The following CTSB variants were observed in gnomAD, a reference collection of about 807,000 sequenced individuals.
CTSB encodes the protein APP secretase.
In CTSB, 57 loss-of-function variants were observed where a neutral mutation model predicts 44.3. The observed-to-expected ratio is 1.29, with a 90% CI of 1.04 to 1.60. The LOEUF is 1.60. CTSB is among the 40% of genes most tolerant of loss of function. The pLI, the probability that CTSB is intolerant of heterozygous loss-of-function variation, is 0.00. For synonymous variants in CTSB, 320 were observed against 168.0 expected, an observed-to-expected ratio of 1.91 and a Z score of -7.00; for missense variants, 768 against 443.0, an observed-to-expected ratio of 1.73 and a Z score of -6.59.
chr8:11,860,220 A>T (rs1454117234), intron 1 of CTSB, among the ~76,000 whole-genome samples: 18 of 152,242 alleles, frequency 1.2e-4, no homozygotes, highest in Non-Finnish European at 2.5e-4. Flanking sequence ...TGGCTGATAG[A>T]CAAAAAAAGT....
intron 1 of CTSB, among the ~76,000 whole-genome samples, chr8:11,860,431 G>A (rs1354953292): frequency 6.6e-6 from 1 of 152,116 alleles, no homozygotes; most frequent in Non-Finnish European, 1.5e-5. Context: ...AGACCAGCCT[G>A]GCTAACATGG....
intron 4 of CTSB, among the ~76,000 whole-genome samples, chr8:11,850,419 CAAAA>C (rs61067792): frequency 9.3e-5 from 5 of 53,778 alleles, no homozygotes; most frequent in African/African-American, 3.1e-4. Flanking sequence ...ACTCCATCTC[CAAAA>C]AAAAAAAAAA....
At chr8:11,853,271 C>CA in intron 2 of CTSB, 58 bp downstream of exon 2, 1 of 1,595,230 alleles carries the variant, frequency 6.3e-7, no homozygotes, top group Non-Finnish European at 8.6e-7. Flanking sequence ...TTCCTGGAGT[C>CA]AGTGTGCACA....
Position 11,851,008 on chromosome 8 carries a change from G to A in CTSB, c.213-28C>T, listed in dbSNP as rs748249710. On this transcript the variant is annotated intron_variant, in intron 3 of 9. Coordinates refer to ENST00000353047, the MANE Select transcript of CTSB (RefSeq NM_001908.5). ...GGATAAAGGAAGGTCTTCATTACAAGCTCTGATCCCACAACTCCCTCCCCA... is the reference window on the plus strand; with the variant it reads ...GGATAAAGGAAGGTCTTCATTACAAACTCTGATCCCACAACTCCCTCCCCA... 55 of 1,542,510 alleles carry A rather than the reference G, an allele frequency of 3.6e-5. No homozygotes were observed. The Admixed American group carries it at 8.6e-4, about 24-fold the overall frequency.
chr8:11,861,896 G>T (rs773602157), intron 1 of CTSB, among the ~76,000 whole-genome samples: 1 of 152,182 alleles, frequency 6.6e-6, no homozygotes, highest in Non-Finnish European at 1.5e-5. Context: ...AGGCTGACGC[G>T]AAGGCCAGCC....
At chr8:11,865,271 G>A (rs369112102) in intron 1 of CTSB, among the ~76,000 whole-genome samples, 1 of 152,154 alleles carries the variant, frequency 6.6e-6, no homozygotes, top group Non-Finnish European at 1.5e-5. Context: ...CAGACTGGGC[G>A]CAGTGGCTCA....
At chr8:11,861,600 C>T (rs990311458) in intron 1 of CTSB, 5 of 152,166 alleles carry the variant, frequency 3.3e-5, no homozygotes, top group African/African-American at 9.7e-5. Context: ...TTTTTGTTGT[C>T]GTTGTTGGTT....
chr8:11,860,039 T>A (rs960747397), intron 1 of CTSB, among the ~76,000 whole-genome samples: 2 of 151,602 alleles, frequency 1.3e-5, no homozygotes, highest in Non-Finnish European at 2.9e-5. Flanking sequence ...ACCACTGCAC[T>A]CCAGCCTGGG....
At chr8:11,864,921 A>AG (rs1816912672) in intron 1 of CTSB, among the ~76,000 whole-genome samples, 1 of 152,006 alleles carries the variant, frequency 6.6e-6, no homozygotes, top group South Asian at 2.1e-4. Context: ...AAAAAAAAAA[A>AG]GAAAGAAAAA....
chr8:11,844,392 A>G lies in CTSB; in HGVS notation c.*733T>C, dbSNP rs752935933. The G allele has an allele frequency of 1.3e-5, 2 of 152,174 alleles. No homozygotes were observed. Among genetic ancestry groups the G allele is most frequent in the Non-Finnish European group, 2.9e-5 (2 of 68,032 alleles). The allele number at this position is 152,174 out of a possible 1,614,324, so 9.4% of individuals were successfully genotyped here. On this transcript the variant is annotated 3_prime_UTR_variant, in exon 10 of 10. Transcript: ENST00000353047. ...ACAGGGTGAAGCTGTAATTTTTCAA[A>G]AACAGTAAAAGCTGGTTTCTCCTAA... is the stretch of plus-strand genomic sequence containing the variant.
chr8:11,848,961 A>G (rs527985609), intron 5 of CTSB, 85 bp downstream of exon 5: 149 of 945,794 alleles, frequency 1.6e-4, no homozygotes, highest in Non-Finnish European at 2.4e-4. Flanking sequence ...CAGTCCCAGG[A>G]AGTCCTCAAA....
chr8:11,862,354 G>C (rs541320010), intron 1 of CTSB: 2 of 152,356 alleles, frequency 1.3e-5, no homozygotes, highest in Admixed American at 6.5e-5. Context: ...CCCTGCACCA[G>C]GCTCAGAGCA....
At chr8:11,851,557 A>G (rs1814607415) in intron 3 of CTSB, among the ~76,000 whole-genome samples, 1 of 152,138 alleles carries the variant, frequency 6.6e-6, no homozygotes, top group Non-Finnish European at 1.5e-5. Flanking sequence ...ATTTATCCAC[A>G]AATTATAAAC....
In CTSB at chr8:11,843,249, T is replaced by TAA. The variant is rs1363339674; in HGVS notation, c.*1875_*1876insTT. 1 of 152,090 alleles carries TAA rather than the reference T, an allele frequency of 6.6e-6. No homozygotes were observed. Among genetic ancestry groups the TAA allele is most frequent in the African/African-American group, 2.4e-5 (1 of 41,364 alleles). 9.4% of individuals were successfully genotyped at this position (152,090 alleles called of 1,614,324 possible). On this transcript the variant is annotated 3_prime_UTR_variant, in exon 10 of 10. Coordinates refer to ENST00000353047, the MANE Select transcript of CTSB (RefSeq NM_001908.5). ...GGCGTGAGCCACGACGGCCGGCTGT[T>TAA]ATGCTCATCATGGCACTTAAGAGAT...
In CTSB at chr8:11,844,512, A is replaced by G. The variant is rs1669506040; in HGVS notation, c.*613T>C. 1 of 152,312 alleles carries G rather than the reference A, an allele frequency of 6.6e-6. No individual in the cohort carries two copies. Among genetic ancestry groups the G allele is most frequent in the Non-Finnish European group, 1.5e-5 (1 of 68,106 alleles). The allele number at this position is 152,312 out of a possible 1,614,324, so 9.4% of individuals were successfully genotyped here. A position where few individuals can be genotyped will look rare whatever the true frequency, so the allele number is the denominator to read the frequency against. On this transcript the variant is annotated 3_prime_UTR_variant, in exon 10 of 10. Transcript: ENST00000353047. ...GCCGCGTCATAAGGAGGCAATCTGT[A>G]AAACTAGCACAGGTCTCCCGCTGTT...
chr8:11,859,363 G>A (rs1400651567), intron 1 of CTSB, among the ~76,000 whole-genome samples: 2 of 152,166 alleles, frequency 1.3e-5, no homozygotes, highest in African/African-American at 4.8e-5. Flanking sequence ...CCTGGAAGGA[G>A]GTGGAATGAA....
intron 5 of CTSB, chr8:11,848,608 AACACCGCTACT>A (rs1813918250): frequency 3.1e-6 from 1 of 327,002 alleles, no homozygotes; most frequent in Non-Finnish European, 6.0e-6. Flanking sequence ...GCCGCCAGTG[AACACCGCTACT>A]GCGGAACCAA....
rs573460990 is a variant in CTSB, at chr8:11,848,086, G to T, written c.513C>A (p.Gly171=). ...FWTRKGLVSG[G]LYESHVGCRP... Reference sequence around the variant, plus strand: ...ACTTACCTACATGGGATTCATAGAGGCCACCAGAAACCAGGCCTTTTCTTG... The same window carrying T: ...ACTTACCTACATGGGATTCATAGAGTCCACCAGAAACCAGGCCTTTTCTTG... Residue 171 remains glycine, a synonymous_variant, in exon 6 of 10, where the codon GGC becomes GGA. Coordinates refer to ENST00000353047, the MANE Select transcript of CTSB (RefSeq NM_001908.5). 8.7e-6 allele frequency: 14 copies of T among 1,613,654 alleles called. No individual in the cohort carries two copies. The South Asian group carries it at 8.8e-5, about 10-fold the overall frequency.
intron 1 of CTSB, among the ~76,000 whole-genome samples, chr8:11,856,196 G>C (rs1178008763): frequency 7.2e-6 from 1 of 138,376 alleles, no homozygotes; most frequent in Non-Finnish European, 1.6e-5. Context: ...TGGGGTGGGT[G>C]GGCACAACCA....
Sources: gnomAD v4.1 joint callset for allele counts (sites outside exome capture counted in the v4.1 genomes callset) on GRCh38, gnomAD v4.1.1 for gene constraint, MANE v1.5 for transcripts, NCBI Gene and HGNC (gene_info 2026-07-23, HGNC 2026-07-21) for gene names.